SEMA6D: variants seen among roughly 807,000 people sequenced by gnomAD.
SEMA6D encodes the protein semaphorin-6D.
In SEMA6D, 35 loss-of-function variants were observed where a neutral mutation model predicts 106.6. That is an observed-to-expected ratio of 0.33 (90% CI 0.25 to 0.44). The LOEUF (loss-of-function observed/expected upper bound fraction) is 0.44, where lower values mean the gene tolerates loss of function less well. Among genes scored for constraint, SEMA6D ranks in the 20% least tolerant of loss-of-function variants. SEMA6D has a pLI of 1.00. For synonymous variants in SEMA6D, 499 were observed against 487.7 expected (o/e 1.02, Z -0.31); for missense variants, 1,185 against 1,345.9 (o/e 0.88, Z 1.87).
chr15:47,761,118 C>T (rs1358320954), intron 4 of SEMA6D, 40 bp from the exon 5 acceptor site: 12 of 1,611,656 alleles, frequency 7.4e-6, no homozygotes, highest in East Asian at 2.2e-5. Flanking sequence ...CAAAAATGTT[C>T]GCAGTTAAAA....
At chr15:47,643,604 G>A (rs1489147085) in intron 4 of SEMA6D, among the ~76,000 whole-genome samples, 3 of 152,172 alleles carry the variant, frequency 2.0e-5, no homozygotes, top group Non-Finnish European at 4.4e-5. Context: ...AGACATAAAA[G>A]CAAGATCCTA....
chr15:47,363,080 A>G (rs1054880970), intron 1 of SEMA6D, among the ~76,000 whole-genome samples: 2 of 152,056 alleles, frequency 1.3e-5, no homozygotes, highest in Admixed American at 6.5e-5. Flanking sequence ...TTCACTTACT[A>G]TATTCTAGAA....
chr15:47,199,317 C>T (rs1032344148), intron 1 of SEMA6D, among the ~76,000 whole-genome samples: 1 of 152,106 alleles, frequency 6.6e-6, no homozygotes, highest in African/African-American at 2.4e-5. Context: ...ACTGCAATTC[C>T]TGTGAATTCA....
chr15:47,721,526 A>T (rs1475858558), intron 1 of SEMA6D, among the ~76,000 whole-genome samples: 2 of 152,240 alleles, frequency 1.3e-5, no homozygotes, highest in African/African-American at 2.4e-5. Flanking sequence ...CGGAGAGAAT[A>T]AAAATCACAT....
At chr15:47,720,916 G>A (rs140975785) in intron 1 of SEMA6D, among the ~76,000 whole-genome samples, 34 of 152,326 alleles carry the variant, frequency 2.2e-4, no homozygotes, top group Non-Finnish European at 2.6e-4. Context: ...TAGTGTAACC[G>A]TAGGAGGTGA....
intron 3 of SEMA6D, among the ~76,000 whole-genome samples, chr15:47,498,845 C>G (rs2043754521): frequency 6.6e-6 from 1 of 152,096 alleles, no homozygotes; most frequent in African/African-American, 2.4e-5. Flanking sequence ...CAAATATGAG[C>G]TACAAATTAA....
At chr15:47,242,955 G>C (rs2032998978) in intron 1 of SEMA6D, among the ~76,000 whole-genome samples, 1 of 152,078 alleles carries the variant, frequency 6.6e-6, no homozygotes, top group African/African-American at 2.4e-5. Flanking sequence ...TAAAGCTGTT[G>C]ATCATAGGTT....
chr15:47,531,986 A>G (rs908296047), intron 3 of SEMA6D, among the ~76,000 whole-genome samples: 1 of 152,292 alleles, frequency 6.6e-6, no homozygotes, highest in Non-Finnish European at 1.5e-5. Flanking sequence ...GTCTAATACA[A>G]TGGCACCTCT....
intron 1 of SEMA6D, among the ~76,000 whole-genome samples, chr15:47,724,063 C>T (rs562264050): frequency 2.0e-5 from 3 of 152,370 alleles, no homozygotes; most frequent in South Asian, 4.1e-4. Context: ...GCCTACGCCT[C>T]ACTTGTTAGT....
intron 3 of SEMA6D, among the ~76,000 whole-genome samples, chr15:47,574,246 T>C (rs1478177247): frequency 6.6e-6 from 1 of 152,246 alleles, no homozygotes; most frequent in Non-Finnish European, 1.5e-5. Flanking sequence ...TTATCTTTGT[T>C]ATTAACAAGA....
At chr15:47,564,581 T>G (rs555521443) in intron 3 of SEMA6D, among the ~76,000 whole-genome samples, 1 of 152,282 alleles carries the variant, frequency 6.6e-6, no homozygotes, top group African/African-American at 2.4e-5. Flanking sequence ...ATATCCATAC[T>G]TTTGGCTGAA....
chr15:47,493,875 G>A (rs1261176827), intron 3 of SEMA6D, among the ~76,000 whole-genome samples: 2 of 152,074 alleles, frequency 1.3e-5, no homozygotes, highest in Non-Finnish European at 2.9e-5. Flanking sequence ...GGAGTTCTTT[G>A]TAAAATTCAT....
chr15:47,663,754 A>G (rs1193763553), intron 4 of SEMA6D, among the ~76,000 whole-genome samples: 1 of 152,220 alleles, frequency 6.6e-6, no homozygotes, highest in East Asian at 1.9e-4. Context: ...AAGAGTTTGG[A>G]TAGGAGAAGA....
At chr15:47,422,524 CT>C (rs977649872) in intron 2 of SEMA6D, among the ~76,000 whole-genome samples, 2 of 152,036 alleles carry the variant, frequency 1.3e-5, no homozygotes, top group African/African-American at 4.8e-5. Context: ...CTTTATCCAA[CT>C]TTTGTATTCA....
intron 1 of SEMA6D, among the ~76,000 whole-genome samples, chr15:47,314,849 CTTTTTTTTTTTTTTTTTTT>C (rs1173992222): frequency 4.6e-4 from 39 of 83,916 alleles, no homozygotes; most frequent in African/African-American, 5.8e-4. Flanking sequence ...TCTAGGTTTT[CTTTTTTTTTTTTTTTTTTT>C]TTTTTTTTTT....
At chr15:47,526,416 TA>T (rs1298252968) in intron 3 of SEMA6D, among the ~76,000 whole-genome samples, 1 of 152,180 alleles carries the variant, frequency 6.6e-6, no homozygotes, top group Non-Finnish European at 1.5e-5. Flanking sequence ...TATGTATTGG[TA>T]AAAGGCTAGT....
chr15:47,303,351 C>G (rs2036098816), intron 1 of SEMA6D, among the ~76,000 whole-genome samples: 2 of 152,210 alleles, frequency 1.3e-5, no homozygotes, highest in African/African-American at 4.8e-5. Flanking sequence ...AAAGGTTTCT[C>G]ATGATCTCTG....
At chr15:47,405,986 CG>C (rs1567057165) in intron 1 of SEMA6D, among the ~76,000 whole-genome samples, 1 of 152,196 alleles carries the variant, frequency 6.6e-6, no homozygotes, top group Non-Finnish European at 1.5e-5. Flanking sequence ...CTTTCACTCA[CG>C]AGGGCCATAT....
At chr15:47,723,024 T>C (rs2146374436) in intron 1 of SEMA6D, among the ~76,000 whole-genome samples, 1 of 152,248 alleles carries the variant, frequency 6.6e-6, no homozygotes, top group South Asian at 2.1e-4. Flanking sequence ...CTCAGCCCAC[T>C]TTTTCACCAC....
Sources: gnomAD v4.1 joint callset for allele counts (sites outside exome capture counted in the v4.1 genomes callset) on GRCh38, gnomAD v4.1.1 for gene constraint, MANE v1.5 for transcripts, NCBI Gene and HGNC (gene_info 2026-07-23, HGNC 2026-07-21) for gene names.